The following BLOC1S3 variants were observed in gnomAD, a reference collection of about 807,000 sequenced individuals.
The protein encoded by BLOC1S3 is biogenesis of lysosome-related organelles complex 1 subunit 3.
Under a neutral mutation model 9.1 loss-of-function variants are expected in BLOC1S3, and 7 were observed. The ratio of observed to expected loss-of-function variants is 0.77; its 90% confidence interval spans 0.44 to 1.45. BLOC1S3 has a LOEUF of 1.45. Ranked by LOEUF, BLOC1S3 falls within the 40% of genes most tolerant of loss-of-function variation. The pLI, the probability that BLOC1S3 is intolerant of heterozygous loss-of-function variation, is 0.01. For synonymous variants in BLOC1S3, 145 were observed against 158.4 expected (o/e 0.92, Z 0.64); for missense variants, 307 against 315.2 (o/e 0.97, Z 0.20).
At position 45,180,113 on chromosome 19, in the gene BLOC1S3, T is replaced by C; in HGVS notation, c.*208T>C. ...GCGGAGACCAGGGCCCCACTATCCTTAGATCTGGTTCCTCTCCCGATCCTG... is the reference window on the plus strand; with the variant it reads ...GCGGAGACCAGGGCCCCACTATCCTCAGATCTGGTTCCTCTCCCGATCCTG... On this transcript the variant is annotated 3_prime_UTR_variant, in exon 2 of 2. Transcript: ENST00000433642. The C allele has an allele frequency of 1.9e-6, 1 of 527,926 alleles. No homozygotes were observed. Among genetic ancestry groups the C allele is most frequent in the East Asian group, 3.6e-5 (1 of 27,956 alleles). 32.7% of individuals were successfully genotyped at this position (527,926 alleles called of 1,614,324 possible). A position where few individuals can be genotyped will look rare whatever the true frequency, so the allele number is the denominator to read the frequency against.
chr19:45,207,201 C>T (rs1008593091), intron 3 of BLOC1S3, among the ~76,000 whole-genome samples: 2 of 151,530 alleles, frequency 1.3e-5, no homozygotes, highest in African/African-American at 4.9e-5. Flanking sequence ...GGCACGATAT[C>T]GGCTTAGTGC....
At chr19:45,216,674 A>C (rs1364359110) in intron 3 of BLOC1S3, 1 of 153,102 alleles carries the variant, frequency 6.5e-6, no homozygotes, top group African/African-American at 2.4e-5. Context: ...ATCTCCTCCC[A>C]GTTTTGCAGG....
chr19:45,199,547 C>T (rs1297557906), intron 2 of BLOC1S3, among the ~76,000 whole-genome samples: 1 of 151,974 alleles, frequency 6.6e-6, no homozygotes, highest in Non-Finnish European at 1.5e-5. Flanking sequence ...AACTCCTGAC[C>T]TCGTGATCCG....
chr19:45,209,861 A>G (rs772497975), intron 3 of BLOC1S3, among the ~76,000 whole-genome samples: 51 of 151,170 alleles, frequency 3.4e-4, no homozygotes, highest in Non-Finnish European at 6.2e-4. Context: ...CCTTCCAAGT[A>G]GCTGTGATTA....
At chr19:45,213,217 G>T in intron 3 of BLOC1S3, 1 of 1,611,818 alleles carries the variant, frequency 6.2e-7, no homozygotes, top group South Asian at 1.1e-5. Context: ...AGGGATGTCT[G>T]CAAAGAAGGC....
chr19:45,182,895 G>A (rs1969536571), downstream of BLOC1S3, among the ~76,000 whole-genome samples: 1 of 152,124 alleles, frequency 6.6e-6, no homozygotes. Context: ...TATGAAGGTG[G>A]AGCGGGATCC....
intron 3 of BLOC1S3, chr19:45,213,469 T>G (rs1969801183): frequency 7.6e-7 from 1 of 1,314,754 alleles, no homozygotes; most frequent in African/African-American, 1.5e-5. Context: ...TTGCCTGAGT[T>G]CTGGGGCCTC....
At chr19:45,182,696 AAAAT>A (rs1208787863), downstream of BLOC1S3, among the ~76,000 whole-genome samples, 1 of 152,152 alleles carries the variant, frequency 6.6e-6, no homozygotes, top group African/African-American at 2.4e-5. Flanking sequence ...TTTAAAAAAT[AAAAT>A]AGAGACGAGC....
chr19:45,208,045 G>A (rs984896349), intron 3 of BLOC1S3, among the ~76,000 whole-genome samples: 3 of 151,488 alleles, frequency 2.0e-5, no homozygotes, highest in Non-Finnish European at 4.4e-5. Flanking sequence ...CGAAATCTTG[G>A]CTCATCGCAA....
At chr19:45,212,977 G>T (rs1969791388) in intron 3 of BLOC1S3, 4 of 1,336,692 alleles carry the variant, frequency 3.0e-6, no homozygotes, top group Non-Finnish European at 3.9e-6. Context: ...GGGGTGTGTG[G>T]TCCCAGGCAG....
At chr19:45,185,390 G>A (rs1969559518), downstream of BLOC1S3, among the ~76,000 whole-genome samples, 1 of 152,172 alleles carries the variant, frequency 6.6e-6, no homozygotes, top group African/African-American at 2.4e-5. Context: ...TCAGATGCAT[G>A]GAGCTGTTGA....
Position 45,179,233 on chromosome 19 carries a change from T to G in BLOC1S3, c.-9-55T>G. 4 of 1,442,340 alleles carry G rather than the reference T, an allele frequency of 2.8e-6. No homozygotes were observed. The South Asian group carries it at 5.5e-5, about 20-fold the overall frequency. 89.3% of individuals were successfully genotyped at this position (1,442,340 alleles called of 1,614,324 possible). On this transcript the variant is annotated intron_variant, in intron 1 of 1. Transcript: ENST00000433642. The surrounding 1 kb of genome is among the most constrained non-coding windows in gnomAD (Gnocchi z 4.6). ...GGGCTGGGAATCCAGGACCTGCGCC[T>G]TTTACCCACCGCGGCGCCGGTCTCA...
chr19:45,184,928 AAAAGG>A (rs1969555680), downstream of BLOC1S3, among the ~76,000 whole-genome samples: 2 of 149,174 alleles, frequency 1.3e-5, no homozygotes, highest in Admixed American at 6.7e-5. Flanking sequence ...AAAAAAAAAA[AAAAGG>A]AAGGAAGGGA....
chr19:45,203,418 C>T (rs556353196), intron 3 of BLOC1S3, among the ~76,000 whole-genome samples: 96 of 152,152 alleles, frequency 6.3e-4, no homozygotes, highest in African/African-American at 2.2e-3. Flanking sequence ...GGATTACAGG[C>T]GTGCGCCACC....
chr19:45,211,970 A>AC (rs1229391631), intron 3 of BLOC1S3, among the ~76,000 whole-genome samples: 1 of 151,786 alleles, frequency 6.6e-6, no homozygotes, highest in Non-Finnish European at 1.5e-5. Context: ...AAATTTTCCC[A>AC]CCCCGAGACT....
At chr19:45,205,608 C>T (rs183505053) in intron 3 of BLOC1S3, among the ~76,000 whole-genome samples, 1 of 152,230 alleles carries the variant, frequency 6.6e-6, no homozygotes, top group East Asian at 1.9e-4. Context: ...TCATTATGTA[C>T]AAGCATGATC....
intron 3 of BLOC1S3, among the ~76,000 whole-genome samples, chr19:45,203,086 C>T (rs1385536157): frequency 6.6e-6 from 1 of 151,648 alleles, no homozygotes; most frequent in Non-Finnish European, 1.5e-5. Flanking sequence ...GAGTCTCTCC[C>T]GGAACTGCAA....
Position 45,179,805 on chromosome 19 carries a change from T to C in BLOC1S3, c.509T>C (p.Leu170Pro). 6.2e-7 allele frequency: 1 copy of C among 1,602,464 alleles called. No homozygotes were observed. Among genetic ancestry groups the C allele is most frequent in the Non-Finnish European group, 8.5e-7 (1 of 1,176,506 alleles). ...VRLARGDLCA[L>P]AERLDIVAGC... ...CTGGCGCGCGGGGACCTTTGTGCGC[T>C]GGCCGAGCGTCTGGACATCGTGGCT... Residue 170 changes from leucine to proline, a missense_variant, in exon 2 of 2, where the codon CTG becomes CCG. Coordinates refer to ENST00000433642, the MANE Select transcript of BLOC1S3 (RefSeq NM_212550.5). This position sits in a 1 kb window ranked among gnomAD's most constrained non-coding sequence, Gnocchi z 4.6.
At position 45,179,755 on chromosome 19, in the gene BLOC1S3, G is replaced by A. The variant is rs747349710; in HGVS notation, c.459G>A (p.Gly153=). 1.4e-5 allele frequency: 21 copies of A among 1,479,724 alleles called. No individual in the cohort carries two copies. The highest frequency in any genetic ancestry group is 2.9e-5 in the African/African-American group (2 of 68,184). 91.7% of individuals were successfully genotyped at this position (1,479,724 alleles called of 1,614,324 possible). The change falls in exon 2 of 2, where the codon GGG becomes GGA. Residue 153 remains glycine, a synonymous_variant. Coordinates refer to ENST00000433642, the MANE Select transcript of BLOC1S3 (RefSeq NM_212550.5). The surrounding 1 kb of genome is among the most constrained non-coding windows in gnomAD (Gnocchi z 4.6). ...GGCTGGCGGCAGCCCAGGCGGCGGG[G>A]CTGGCGGCGGCCCACAGCGTGCGCC... is the stretch of plus-strand genomic sequence containing the variant. ...ASRLAAAQAA[G]LAAAHSVRLA... is the part of the protein sequence containing the mutation.
Sources: allele counts gnomAD v4.1 joint callset (sites outside exome capture counted in the v4.1 genomes callset), GRCh38; gene constraint gnomAD v4.1.1; non-coding constraint Gnocchi (gnomAD v3.1); transcripts MANE v1.5; gene names NCBI Gene and HGNC (gene_info 2026-07-23, HGNC 2026-07-21).